Variants in NXN observed in about 807,000 individuals in gnomAD.
The protein encoded by NXN is nucleoredoxin 1.
In NXN, 16 loss-of-function variants were observed where a neutral mutation model predicts 48.6. The observed-to-expected ratio is 0.33, with a 90% CI of 0.22 to 0.50. The LOEUF (loss-of-function observed/expected upper bound fraction) is 0.50. Ranked by LOEUF, NXN falls within the 20% of genes least tolerant of loss-of-function variation. The pLI, the probability that NXN is intolerant of heterozygous loss-of-function variation, is 0.98. For synonymous variants in NXN, 281 were observed against 269.6 expected (o/e 1.04, Z -0.41); for missense variants, 492 against 605.5 (o/e 0.81, Z 1.97).
At chr17:865,983 A>T (rs2068091947) in intron 1 of NXN, among the ~76,000 whole-genome samples, 2 of 151,310 alleles carry the variant, frequency 1.3e-5, no homozygotes, top group South Asian at 4.2e-4. Flanking sequence ...ACTCTATCTC[A>T]AAAAAAAAGA....
intron 1 of NXN, among the ~76,000 whole-genome samples, chr17:927,919 A>C (rs9908479): frequency 0.031 from 4,781 of 152,088 alleles, 249 homozygotes; most frequent in African/African-American, 0.11. Flanking sequence ...CACCAACCCC[A>C]GCTGCTTGTG....
chr17:979,686 C>T lies in NXN; in HGVS notation c.-8G>A. The T allele has an allele frequency of 1.3e-5, 18 of 1,427,880 alleles. No homozygotes were observed. The highest frequency in any genetic ancestry group is 1.6e-5 in the Non-Finnish European group (17 of 1,088,208). 88.5% of individuals were successfully genotyped at this position (1,427,880 alleles called of 1,614,324 possible). A position where few individuals can be genotyped will look rare whatever the true frequency, so the allele number is the denominator to read the frequency against. On this transcript the variant is annotated 5_prime_UTR_variant, in exon 1 of 8. Transcript: ENST00000336868. ...CTCCAGGAAGCCCGACATCCTGGCC[C>T]ACCGCAGGGCGGGCAGGCGGCTGCG... is the stretch of plus-strand genomic sequence containing the variant.
In NXN at chr17:865,750, G is replaced by A. The variant is rs1208024869; in HGVS notation, c.361-39672C>T. On this transcript the variant is annotated intron_variant, in intron 1 of 7. Coordinates refer to ENST00000336868, the MANE Select transcript of NXN (RefSeq NM_022463.5). ...TGTAATCCCAGCACTTTGGGAGGCC[G>A]AGGTGGGCAGATCACTTGAGGTCAG... Among the ~76,000 whole-genome samples the A allele has an allele frequency of 3.3e-5, 5 of 151,512 alleles. No individual in the cohort carries two copies. The East Asian group carries it at 6.0e-4, about 18-fold the overall frequency.
rs188689619 is a variant in NXN, at chr17:844,081, G to C, written c.361-18003C>G. Among the ~76,000 whole-genome samples the C allele has an allele frequency of 4.2e-3, 595 of 140,926 alleles. 3 individuals are homozygous for C. Among genetic ancestry groups the C allele is most frequent in the African/African-American group, 0.015 (553 of 37,522 alleles). 92.5% of individuals were successfully genotyped at this position (140,926 alleles called of 152,430 possible). Reference sequence around the variant, plus strand: ...TTAGCTGGAAGGTGGAGACCAGGCGGTGGAGACCAGGCCATTCTACGTGCC... The same window carrying C: ...TTAGCTGGAAGGTGGAGACCAGGCGCTGGAGACCAGGCCATTCTACGTGCC... On this transcript the variant is annotated intron_variant, in intron 1 of 7. Transcript: ENST00000336868.
chr17:818,505 C>G (rs1912613391), intron 5 of NXN, among the ~76,000 whole-genome samples: 1 of 152,164 alleles, frequency 6.6e-6, no homozygotes, highest in Admixed American at 6.5e-5. Flanking sequence ...CTGGAGATCA[C>G]TCTCAAGTCT....
intron 1 of NXN, among the ~76,000 whole-genome samples, chr17:870,779 T>C (rs1463738375): frequency 6.6e-6 from 1 of 151,504 alleles, no homozygotes; most frequent in Non-Finnish European, 1.5e-5. Flanking sequence ...AAGAATCTTA[T>C]CCACCCCACC....
chr17:943,925 T>C (rs957190295), intron 1 of NXN, among the ~76,000 whole-genome samples: 1 of 150,522 alleles, frequency 6.6e-6, no homozygotes, highest in Admixed American at 6.7e-5. Context: ...AACTCGACAA[T>C]CCTTCTCCTA....
At chr17:829,041 G>A (rs1397823301) in intron 1 of NXN, among the ~76,000 whole-genome samples, 1 of 151,664 alleles carries the variant, frequency 6.6e-6, no homozygotes, top group Non-Finnish European at 1.5e-5. Flanking sequence ...AGTGGCAAAT[G>A]AGAGAGCCCA....
At position 879,607 on chromosome 17, in the gene NXN, G is replaced by A. The variant is rs116591200; in HGVS notation, c.361-53529C>T. On this transcript the variant is annotated intron_variant, in intron 1 of 7. Coordinates refer to ENST00000336868, the MANE Select transcript of NXN (RefSeq NM_022463.5). ...CGGCCACGAGTCTGGTTTTAAACCC[G>A]TGGAGCTAAAGGTTTCTGGCAAGCA... Among the ~76,000 whole-genome samples, 870 of 152,032 alleles carry A rather than the reference G, an allele frequency of 5.7e-3. 6 individuals are homozygous for A. Among genetic ancestry groups the A allele is most frequent in the African/African-American group, 0.019 (772 of 41,456 alleles).
intron 1 of NXN, among the ~76,000 whole-genome samples, chr17:837,687 G>A (rs986109070): frequency 1.1e-4 from 17 of 152,176 alleles, no homozygotes; most frequent in Non-Finnish European, 1.6e-4. Flanking sequence ...CGCTTTGCCC[G>A]ATGGTGCCTT....
intron 1 of NXN, among the ~76,000 whole-genome samples, chr17:885,620 A>AC (rs1567848489): frequency 1.4e-5 from 2 of 147,442 alleles, no homozygotes; most frequent in Admixed American, 6.7e-5. Flanking sequence ...TTGCGCACAC[A>AC]TGCCCCTCTC....
At chr17:829,336 G>A (rs564364054) in intron 1 of NXN, among the ~76,000 whole-genome samples, 3 of 151,898 alleles carry the variant, frequency 2.0e-5, no homozygotes, top group African/African-American at 7.2e-5. Context: ...TCTATTTTTA[G>A]TAGAGATCGG....
chr17:881,633 A>G (rs2068285516), intron 1 of NXN, among the ~76,000 whole-genome samples: 1 of 152,154 alleles, frequency 6.6e-6, no homozygotes, highest in Admixed American at 6.5e-5. Flanking sequence ...ACTCATCAGT[A>G]TTTACCCAAG....
intron 1 of NXN, among the ~76,000 whole-genome samples, chr17:921,025 A>C (rs2068745999): frequency 6.6e-6 from 1 of 152,084 alleles, no homozygotes; most frequent in African/African-American, 2.4e-5. Flanking sequence ...CCCAGCCTCT[A>C]TGTGACCTTT....
At chr17:833,557 T>C (rs1913615146) in intron 1 of NXN, among the ~76,000 whole-genome samples, 1 of 152,176 alleles carries the variant, frequency 6.6e-6, no homozygotes, top group African/African-American at 2.4e-5. Context: ...AGCGGTTTCA[T>C]AGTCATTTTT....
intron 1 of NXN, among the ~76,000 whole-genome samples, chr17:902,197 T>C (rs1001480695): frequency 6.6e-6 from 1 of 152,160 alleles, no homozygotes; most frequent in Non-Finnish European, 1.5e-5. Context: ...CCAGTTTCAT[T>C]ATTCACTGCT....
intron 1 of NXN, among the ~76,000 whole-genome samples, chr17:948,546 G>A (rs912387787): frequency 6.6e-6 from 1 of 152,024 alleles, no homozygotes; most frequent in African/African-American, 2.4e-5. Flanking sequence ...CCGGCCCTGC[G>A]CTGGGGACCT....
At chr17:892,423 C>G (rs1400835898) in intron 1 of NXN, among the ~76,000 whole-genome samples, 1 of 152,188 alleles carries the variant, frequency 6.6e-6, no homozygotes, top group Non-Finnish European at 1.5e-5. Context: ...ACAGCTGACC[C>G]TCTTCCCAGG....
At chr17:946,718 G>T (rs188873098) in intron 1 of NXN, among the ~76,000 whole-genome samples, 23 of 152,210 alleles carry the variant, frequency 1.5e-4, no homozygotes, top group African/African-American at 5.5e-4. Flanking sequence ...CCCCCGCAGC[G>T]GGCGACTGTA....
Sources: gnomAD v4.1 joint callset for allele counts (sites outside exome capture counted in the v4.1 genomes callset) on GRCh38, gnomAD v4.1.1 for gene constraint, MANE v1.5 for transcripts, NCBI Gene and HGNC (gene_info 2026-07-23, HGNC 2026-07-21) for gene names.